KCNH6: variants seen among roughly 807,000 people sequenced by gnomAD.
The protein encoded by KCNH6 is potassium voltage-gated channel subfamily H member 6.
A neutral mutation model predicts 83.4 loss-of-function variants in KCNH6; 81 were observed. The observed-to-expected ratio is 0.97, with a 90% CI of 0.81 to 1.17. The LOEUF is 1.17. Among genes scored for constraint, KCNH6 ranks in the 50% most tolerant of loss-of-function variants. KCNH6 has a pLI of 0.00. For synonymous variants in KCNH6, 503 were observed against 545.6 expected (o/e 0.92, Z 1.09); for missense variants, 1,203 against 1,290.5 (o/e 0.93, Z 1.04).
At chr17:63,530,915 G>A (rs1311060499) in intron 4 of KCNH6, among the ~76,000 whole-genome samples, 5 of 152,194 alleles carry the variant, frequency 3.3e-5, no homozygotes, top group Non-Finnish European at 7.4e-5. Flanking sequence ...GACATGCCAA[G>A]GCCATACTGA....
intron 2 of KCNH6, among the ~76,000 whole-genome samples, chr17:63,528,698 G>C (rs1281645447): frequency 2.0e-5 from 3 of 152,132 alleles, no homozygotes; most frequent in Non-Finnish European, 4.4e-5. Flanking sequence ...GTGGTCACCT[G>C]AGGCCCCTGC....
chr17:63,530,889 G>A (rs565838723), intron 4 of KCNH6, among the ~76,000 whole-genome samples: 16 of 152,352 alleles, frequency 1.1e-4, no homozygotes, highest in African/African-American at 3.8e-4. Flanking sequence ...TCACAGGGAA[G>A]GAGAGGCAGA....
intron 8 of KCNH6, among the ~76,000 whole-genome samples, chr17:63,539,636 C>T (rs1412310978): frequency 6.6e-6 from 1 of 152,258 alleles, no homozygotes; most frequent in Non-Finnish European, 1.5e-5. Context: ...ACGCCACAGT[C>T]TGCCAAGGGG....
At chr17:63,544,130 C>G in intron 10 of KCNH6, 119 bp from the exon 11 acceptor site, 1 of 1,598,938 alleles carries the variant, frequency 6.3e-7, no homozygotes, top group Non-Finnish European at 8.6e-7. Flanking sequence ...GTAAGGAGAG[C>G]CACTCCTCAC....
intron 11 of KCNH6, among the ~76,000 whole-genome samples, 169 bp from the exon 12 acceptor site, chr17:63,544,908 CA>C (rs1215748484): frequency 2.6e-5 from 4 of 152,044 alleles, no homozygotes; most frequent in Admixed American, 2.0e-4. Flanking sequence ...AGGGGTGTAC[CA>C]GGGGGATTCT....
At position 63,530,518 on chromosome 17, in the gene KCNH6, G is replaced by A. The variant is rs1428161893; in HGVS notation, c.651G>A (p.Gln217=). The change falls in exon 4 of 13, where the codon CAG becomes CAA. Residue 217 remains glutamine, a synonymous_variant. Coordinates refer to ENST00000314672, the MANE Select transcript of KCNH6 (RefSeq NM_001278919.2). ...CCCATAAGGTGGTGGAGCGGACACAGAACGTCACTGAGAAGGTCACCCAGG... is the reference window on the plus strand; with the variant it reads ...CCCATAAGGTGGTGGAGCGGACACAAAACGTCACTGAGAAGGTCACCCAGG... ...IAPHKVVERT[Q]NVTEKVTQVL... is the part of the protein sequence containing the mutation. The A allele has an allele frequency of 5.0e-6, 8 of 1,614,142 alleles. No individual in the cohort carries two copies. Among genetic ancestry groups the A allele is most frequent in the Non-Finnish European group, 6.8e-6 (8 of 1,180,052 alleles).
intron 8 of KCNH6, among the ~76,000 whole-genome samples, chr17:63,541,990 G>A (rs918159088): frequency 6.6e-6 from 1 of 152,158 alleles, no homozygotes; most frequent in East Asian, 1.9e-4. Context: ...TGGTTCTGAA[G>A]GGCCTGGAGA....
At position 63,534,397 on chromosome 17, in the gene KCNH6, G is replaced by A. The variant is rs965450274; in HGVS notation, c.1101+86G>A. 4.4e-5 allele frequency: 59 copies of A among 1,354,170 alleles called. No individual in the cohort carries two copies. The highest frequency in any genetic ancestry group is 1.1e-4 in the Admixed American group (5 of 46,774). The allele number at this position is 1,354,170 out of a possible 1,614,324, so 83.9% of individuals were successfully genotyped here. On this transcript the variant is annotated intron_variant, in intron 5 of 12. Coordinates refer to ENST00000314672, the MANE Select transcript of KCNH6 (RefSeq NM_001278919.2). This position sits in a 1 kb window ranked among gnomAD's most constrained non-coding sequence, Gnocchi z 5.0. ...CTCCCTGCTGCACAGCACTGGGTGC[G>A]GAGAGTATCTGGCACTGGGCACCTT...
At chr17:63,543,540 T>G (rs1289048328) in intron 9 of KCNH6, 36 bp from the exon 10 acceptor site, 1 of 1,359,874 alleles carries the variant, frequency 7.4e-7, no homozygotes, top group Admixed American at 1.7e-5. Flanking sequence ...ATCCCAGCTT[T>G]GGTTCCTGTT....
intron 2 of KCNH6, among the ~76,000 whole-genome samples, chr17:63,526,680 C>T (rs1306615870): frequency 1.3e-5 from 2 of 152,110 alleles, no homozygotes; most frequent in Admixed American, 1.3e-4. Flanking sequence ...TTCCCCCCAA[C>T]CCCCAACTCC....
chr17:63,539,439 G>A (rs1011423111), intron 8 of KCNH6, among the ~76,000 whole-genome samples: 8 of 152,242 alleles, frequency 5.3e-5, no homozygotes, highest in Middle Eastern at 3.4e-3. Flanking sequence ...GCCTTCACCT[G>A]TGCCACAAGG....
chr17:63,530,079 T>C lies in KCNH6; in HGVS notation c.308-12T>C, dbSNP rs80311894. On this transcript the variant is annotated splice_polypyrimidine_tract_variant and intron_variant, in intron 2 of 12. Coordinates refer to ENST00000314672, the MANE Select transcript of KCNH6 (RefSeq NM_001278919.2). ...CAGGGCCCACCCCCCATCCTCCCAA[T>C]GGTGTTCGCAGCCTCCAGCTTCCGC... 6.2e-7 allele frequency: 1 copy of C among 1,612,250 alleles called. No individual in the cohort carries two copies. Among genetic ancestry groups the C allele is most frequent in the Non-Finnish European group, 8.5e-7 (1 of 1,179,690 alleles).
downstream of KCNH6, among the ~76,000 whole-genome samples, chr17:63,547,301 G>GCATC: frequency 6.6e-6 from 1 of 152,344 alleles, no homozygotes; most frequent in East Asian, 1.9e-4. Context: ...GGAGGAGGAT[G>GCATC]AGGCAGGAGG....
In KCNH6 at chr17:63,535,748, C is replaced by T. The variant is rs755850792; in HGVS notation, c.1181C>T (p.Ser394Phe). Residue 394 changes from serine to phenylalanine, a missense_variant, in exon 6 of 13, where the codon TCT becomes TTT. Ser to Phe is a radical substitution (Grantham distance 155, BLOSUM62 -2). Transcript: ENST00000314672. This position sits in a 1 kb window ranked among gnomAD's most constrained non-coding sequence, Gnocchi z 4.9. Reference sequence around the variant, plus strand: ...GTAGCACGGAAGCTGGACCGCTACTCTGAGTATGGGGCGGCTGTGCTCTTC... The same window carrying T: ...GTAGCACGGAAGCTGGACCGCTACTTTGAGTATGGGGCGGCTGTGCTCTTC... ...VRVARKLDRY[S>F]EYGAAVLFLL... The T allele has an allele frequency of 6.2e-7, 1 of 1,614,040 alleles. No homozygotes were observed. Among genetic ancestry groups the T allele is most frequent in the African/African-American group, 1.3e-5 (1 of 74,960 alleles).
At chr17:63,544,948 A>C (rs916145304) in intron 11 of KCNH6, 130 bp from the exon 12 acceptor site, 11 of 878,778 alleles carry the variant, frequency 1.3e-5, no homozygotes, top group Non-Finnish European at 2.0e-5. Flanking sequence ...CCAGTAAGGA[A>C]ATAGCTTCAG....
At chr17:63,547,054 T>C (rs370718008), downstream of KCNH6, among the ~76,000 whole-genome samples, 3 of 152,170 alleles carry the variant, frequency 2.0e-5, no homozygotes, top group African/African-American at 7.2e-5. Context: ...CGGGTTGGTA[T>C]TATTATCCCC....
chr17:63,524,095 A>G (rs1568062007), intron 1 of KCNH6, 44 bp from the exon 2 acceptor site: 1 of 1,390,942 alleles, frequency 7.2e-7, no homozygotes, highest in East Asian at 2.3e-5. Context: ...CAGCCGCTGG[A>G]TCCTGGCTCC....
intron 6 of KCNH6, among the ~76,000 whole-genome samples, chr17:63,536,978 G>A (rs1018985282): frequency 0.044 from 3,799 of 85,428 alleles, 2 homozygotes; most frequent in Middle Eastern, 0.062. Flanking sequence ...AAAAAAAAAA[G>A]AATTTTTCGA....
chr17:63,527,533 C>T (rs2031798321), intron 2 of KCNH6, among the ~76,000 whole-genome samples: 1 of 152,156 alleles, frequency 6.6e-6, no homozygotes, highest in Non-Finnish European at 1.5e-5. Context: ...AAAGTAAGAA[C>T]CTAGCATATA....
Sources: gnomAD v4.1 joint callset for allele counts (sites outside exome capture counted in the v4.1 genomes callset) on GRCh38, gnomAD v4.1.1 for gene constraint, Gnocchi (gnomAD v3.1) non-coding constraint, MANE v1.5 for transcripts, NCBI Gene and HGNC (gene_info 2026-07-23, HGNC 2026-07-21) for gene names.